C10orf90: variants seen among roughly 807,000 people sequenced by gnomAD.
The protein encoded by C10orf90 is (E2-independent) E3 ubiquitin-conjugating enzyme FATS.
Under a neutral mutation model 62.5 loss-of-function variants are expected in C10orf90, and 56 were observed. The ratio of observed to expected loss-of-function variants is 0.90; its 90% CI spans 0.72 to 1.12. The LOEUF is 1.12. C10orf90 is among the 50% of genes most tolerant of loss of function. C10orf90 has a pLI of 0.00. For synonymous variants in C10orf90, 386 were observed against 340.4 expected (o/e 1.13, Z -1.47); for missense variants, 970 against 880.4 (o/e 1.10, Z -1.29).
chr10:126,477,639 G>A (rs1860959389), intron 4 of C10orf90, among the ~76,000 whole-genome samples: 1 of 152,104 alleles, frequency 6.6e-6, no homozygotes, highest in Non-Finnish European at 1.5e-5. Context: ...CAGGGCCAGG[G>A]GTACTAGTAG....
chr10:126,514,564 G>C (rs759824975), intron 2 of C10orf90, among the ~76,000 whole-genome samples: 2 of 152,194 alleles, frequency 1.3e-5, no homozygotes, highest in African/African-American at 4.8e-5. Context: ...CGGGATTCTA[G>C]TGCTGGATGC....
At chr10:126,603,639 A>C (rs1845245750) in intron 2 of C10orf90, among the ~76,000 whole-genome samples, 1 of 152,136 alleles carries the variant, frequency 6.6e-6, no homozygotes, top group African/African-American at 2.4e-5. Context: ...TAACTGTAAA[A>C]GGGCCCTAAG....
chr10:126,650,995 T>C (rs1234461508), intron 1 of C10orf90, among the ~76,000 whole-genome samples: 1 of 152,194 alleles, frequency 6.6e-6, no homozygotes, highest in Non-Finnish European at 1.5e-5. Context: ...CAACATCACA[T>C]TGATCTACGA....
At chr10:126,547,280 G>A (rs977540107) in intron 2 of C10orf90, among the ~76,000 whole-genome samples, 21 of 151,658 alleles carry the variant, frequency 1.4e-4, no homozygotes, top group African/African-American at 3.2e-4. Context: ...TTAGCCGGGC[G>A]TGGTGGCGGG....
At chr10:126,445,608 A>G (rs1807820230) in intron 7 of C10orf90, among the ~76,000 whole-genome samples, 1 of 152,070 alleles carries the variant, frequency 6.6e-6, no homozygotes, top group Non-Finnish European at 1.5e-5. Flanking sequence ...CAGTGTAGAG[A>G]TTCCTTAAAG....
intron 7 of C10orf90, among the ~76,000 whole-genome samples, chr10:126,445,403 A>G (rs1858691900): frequency 6.6e-6 from 1 of 152,204 alleles, no homozygotes; most frequent in Admixed American, 6.5e-5. Flanking sequence ...GCCAACAAAC[A>G]TATGAAAAAA....
intron 2 of C10orf90, among the ~76,000 whole-genome samples, chr10:126,517,739 G>A (rs1379384101): frequency 5.3e-5 from 8 of 151,914 alleles, no homozygotes; most frequent in South Asian, 2.1e-4. Context: ...GCGAAACCCC[G>A]TCTCTACTAA....
intron 2 of C10orf90, among the ~76,000 whole-genome samples, chr10:126,566,643 C>T (rs1042150015): frequency 5.9e-5 from 9 of 152,252 alleles, no homozygotes; most frequent in South Asian, 2.1e-4. Context: ...GCAGGAAGGA[C>T]GTCGGTTGAG....
intron 1 of C10orf90, among the ~76,000 whole-genome samples, chr10:126,661,145 G>T (rs1846501652): frequency 6.6e-6 from 1 of 152,130 alleles, no homozygotes; most frequent in African/African-American, 2.4e-5. Flanking sequence ...CACAGGAGCA[G>T]CATCCATAAA....
At chr10:126,633,589 C>T (rs1488006399) in intron 2 of C10orf90, among the ~76,000 whole-genome samples, 1 of 152,208 alleles carries the variant, frequency 6.6e-6, no homozygotes, top group Non-Finnish European at 1.5e-5. Context: ...ACGGGCTGAG[C>T]ATGGAGACCA....
At chr10:126,637,994 C>A (rs1845986019) in intron 2 of C10orf90, among the ~76,000 whole-genome samples, 1 of 152,138 alleles carries the variant, frequency 6.6e-6, no homozygotes, top group African/African-American at 2.4e-5. Context: ...GGAAGCAAAT[C>A]AGAAGGACTT....
chr10:126,497,654 A>C (rs1862137117), intron 4 of C10orf90, among the ~76,000 whole-genome samples: 1 of 152,202 alleles, frequency 6.6e-6, no homozygotes, highest in African/African-American at 2.4e-5. Context: ...AGTCACCCAG[A>C]GGGTCTGCCC....
At chr10:126,502,865 A>T (rs201618836) in intron 4 of C10orf90, 1 of 507,570 alleles carries the variant, frequency 2.0e-6, no homozygotes, top group Admixed American at 2.2e-5. Flanking sequence ...TGGTTTAATC[A>T]ATCTGAAAGC....
At chr10:126,474,680 G>A (rs1013796881) in intron 4 of C10orf90, among the ~76,000 whole-genome samples, 1 of 152,046 alleles carries the variant, frequency 6.6e-6, no homozygotes, top group Non-Finnish European at 1.5e-5. Context: ...ACCAAACATC[G>A]GTCATATCAA....
At chr10:126,562,657 A>C (rs1864929319) in intron 2 of C10orf90, among the ~76,000 whole-genome samples, 2 of 152,154 alleles carry the variant, frequency 1.3e-5, no homozygotes. Context: ...TTCTGAAGGC[A>C]CAATCAGTTT....
rs1370207811 is a variant in C10orf90 at position 126,523,003 on chromosome 10, CTATCA to C, written c.314-9069_314-9065del. 2.6e-5 allele frequency: 4 copies of C among 152,184 alleles called. No individual in the cohort carries two copies. The East Asian group carries it at 5.8e-4, about 22-fold the overall frequency. 9.4% of individuals were successfully genotyped at this position (152,184 alleles called of 1,614,324 possible). A position where few individuals can be genotyped will look rare whatever the true frequency, so the allele number is the denominator to read the frequency against. ...AGGTTTTCATGGGCTCAGCACAGTG[CTATCA>C]TGGAACGCTCCCTCAAAAAACAGTG... On this transcript the variant is annotated intron_variant, in intron 2 of 9. Transcript: ENST00000488181.
intron 2 of C10orf90, among the ~76,000 whole-genome samples, chr10:126,553,892 C>A (rs12254715): frequency 2.0e-5 from 3 of 152,130 alleles, no homozygotes; most frequent in African/African-American, 4.8e-5. Flanking sequence ...AAAACCGCAA[C>A]GCCCATACAT....
intron 2 of C10orf90, among the ~76,000 whole-genome samples, chr10:126,595,242 AG>A (rs541577249): frequency 7.2e-5 from 11 of 152,146 alleles, no homozygotes; most frequent in Non-Finnish European, 1.3e-4. Context: ...TGAGGATGTC[AG>A]GTCACATTTC....
chr10:126,486,208 A>G (rs1248848843), intron 4 of C10orf90, among the ~76,000 whole-genome samples: 1 of 152,190 alleles, frequency 6.6e-6, no homozygotes, highest in African/African-American at 2.4e-5. Flanking sequence ...ATTTATAATC[A>G]TAAGCTAGTC....
Sources: gnomAD v4.1 joint callset for allele counts (sites outside exome capture counted in the v4.1 genomes callset) on GRCh38, gnomAD v4.1.1 for gene constraint, MANE v1.5 for transcripts, NCBI Gene and HGNC (gene_info 2026-07-23, HGNC 2026-07-21) for gene names.